RAD21: variants seen among roughly 807,000 people sequenced by gnomAD.
RAD21 encodes the protein double-strand-break repair protein rad21 homolog.
RAD21 carries 18 observed loss-of-function variants against 71.5 expected under a neutral mutation model. The ratio of observed to expected loss-of-function variants is 0.25; its 90% confidence interval spans 0.17 to 0.37. RAD21 has a LOEUF of 0.37. Among genes scored for constraint, RAD21 ranks in the 10% least tolerant of loss-of-function variants. RAD21 has a pLI of 1.00. For synonymous variants in RAD21, 248 were observed against 254.0 expected (o/e 0.98, Z 0.22); for missense variants, 493 against 769.1 (o/e 0.64, Z 4.25).
At chr8:116,872,711 C>CG (rs1563696064) in intron 1 of RAD21, among the ~76,000 whole-genome samples, 8 of 152,158 alleles carry the variant, frequency 5.3e-5, no homozygotes, top group South Asian at 2.1e-4. Context: ...ACTATGAAAA[C>CG]CTGAAAGGTT....
intron 2 of RAD21, among the ~76,000 whole-genome samples, chr8:116,865,808 G>A (rs16889031): frequency 9.9e-5 from 15 of 152,154 alleles, no homozygotes; most frequent in African/African-American, 3.4e-4. Flanking sequence ...CTGCATCCAG[G>A]AAATAGAGCA....
intron 7 of RAD21, 110 bp downstream of exon 7, chr8:116,856,536 T>C (rs1812470654): frequency 2.3e-6 from 3 of 1,292,040 alleles, no homozygotes; most frequent in South Asian, 3.7e-5. Flanking sequence ...TACTTAAAGA[T>C]ATTTATAATT....
rs1169346397 is a variant in RAD21, at chr8:116,852,639, C to G, written c.1231G>C (p.Asp411His). ...TCTTTGAGGAATTCATCCAAATTAT[C>G]TGCCTCTCCTCCTTTCCTCCTTTTT... ...LRKRRKGGEADNLDEFLKEFE... is the reference protein window; with the variant it reads ...LRKRRKGGEAHNLDEFLKEFE... Residue 411 changes from aspartate (D) to histidine (H), a missense_variant, in exon 10 of 14, where the codon GAT becomes CAT. By Grantham distance (81) the Asp-to-His change is moderately conservative (BLOSUM62 -1). Around this residue, in one of 5 missense-constraint regions of RAD21, gnomAD observed 225 missense variants for 218.3 expected, o/e 1.03. Coordinates refer to ENST00000297338, the MANE Select transcript of RAD21 (RefSeq NM_006265.3). The G allele has an allele frequency of 6.2e-7, 1 of 1,613,278 alleles. No individual in the cohort carries two copies. Among genetic ancestry groups the G allele is most frequent in the South Asian group, 1.1e-5 (1 of 91,032 alleles).
At chr8:116,852,141 G>A in intron 10 of RAD21, 45 bp from the exon 11 acceptor site, 2 of 1,535,254 alleles carry the variant, frequency 1.3e-6, no homozygotes, top group Middle Eastern at 1.7e-4. Context: ...ATACAGTTTT[G>A]AACAGTATTA....
chr8:116,857,097 A>G (rs1446065250), intron 6 of RAD21, among the ~76,000 whole-genome samples, 170 bp downstream of exon 6: 1 of 152,194 alleles, frequency 6.6e-6, no homozygotes, highest in Non-Finnish European at 1.5e-5. Context: ...TTTTGTTACA[A>G]CATTTTAAGA....
chr8:116,850,669 T>C lies in RAD21; in HGVS notation c.1569A>G (p.Pro523=), dbSNP rs1362591979. The C allele has an allele frequency of 6.2e-7, 1 of 1,612,174 alleles. No individual in the cohort carries two copies. Among genetic ancestry groups the C allele is most frequent in the Non-Finnish European group, 8.5e-7 (1 of 1,178,484 alleles). ...CCTTCTCTTTCTCCTTCTCTTTTTC[T>C]GGCAGAAGTTCTAACTCTGGTATTA... is the stretch of plus-strand genomic sequence containing the variant. ...CQLIPELELL[P]EKEKEKEKEK... Residue 523 remains proline, a synonymous_variant, in exon 12 of 14, where the codon CCA becomes CCG. Coordinates refer to ENST00000297338, the MANE Select transcript of RAD21 (RefSeq NM_006265.3).
At chr8:116,868,057 T>C (rs778799309) in intron 1 of RAD21, among the ~76,000 whole-genome samples, 4 of 152,184 alleles carry the variant, frequency 2.6e-5, no homozygotes, top group Non-Finnish European at 5.9e-5. Context: ...TTTTTTTCTT[T>C]TAAGAGATGG....
Position 116,856,198 on chromosome 8 carries a change from T to G in RAD21, c.905A>C (p.Glu302Ala). 6.2e-7 allele frequency: 1 copy of G among 1,609,664 alleles called. No individual in the cohort carries two copies. The highest frequency in any genetic ancestry group is 8.5e-7 in the Non-Finnish European group (1 of 1,178,158). Reference protein sequence around the residue: ...DQTTLVPNEEEAFALEPIDIT... With the variant: ...DQTTLVPNEEAAFALEPIDIT... ...ATCAATAGGCTCCAATGCAAATGCTTCTTCCTCATTTGGAACAAGTGTTGT... is the reference window on the plus strand; with the variant it reads ...ATCAATAGGCTCCAATGCAAATGCTGCTTCCTCATTTGGAACAAGTGTTGT... The change falls in exon 8 of 14, where the codon GAA becomes GCA. Residue 302 changes from glutamate to alanine, a missense_variant. Glu to Ala is a moderately radical substitution (Grantham distance 107). Around this residue, in one of 5 missense-constraint regions of RAD21, gnomAD observed 165 missense variants for 229.6 expected, o/e 0.72. Transcript: ENST00000297338.
At chr8:116,871,216 G>T (rs1178800596) in intron 1 of RAD21, among the ~76,000 whole-genome samples, 1 of 151,892 alleles carries the variant, frequency 6.6e-6, no homozygotes, top group Admixed American at 6.6e-5. Flanking sequence ...TAAAAAAGTC[G>T]ATTAATCTGT....
rs1202617268 is a variant in RAD21, at chr8:116,848,977, T to C, written c.1673A>G (p.Lys558Arg). 6.2e-7 allele frequency: 1 copy of C among 1,607,788 alleles called. No individual in the cohort carries two copies. Among genetic ancestry groups the C allele is most frequent in the East Asian group, 2.2e-5 (1 of 44,452 alleles). Residue 558 changes from lysine (K) to arginine (R), a missense_variant, in exon 13 of 14, where the codon AAA (lysine) becomes AGA (arginine). Physicochemically the swap from Lys to Arg is conservative, Grantham distance 26. Transcript: ENST00000297338. ...DQDQEERRWN[K>R]RTQQMLHGLQ... is the part of the protein sequence containing the mutation. ...ACCATGAAGCATCTGCTGAGTCCTT[T>C]TGTTCCATCTTCTTTCTTCCTGATC...
At chr8:116,867,034 CTTGA>C (rs1812709930) in intron 1 of RAD21, 3 of 207,510 alleles carry the variant, frequency 1.4e-5, no homozygotes, top group Non-Finnish European at 1.9e-5. Context: ...TCATTTCTAT[CTTGA>C]TTGACAGTAG....
At chr8:116,856,060 G>A in intron 8 of RAD21, 106 bp downstream of exon 8, 1 of 1,322,854 alleles carries the variant, frequency 7.6e-7, no homozygotes, top group South Asian at 1.6e-5. Context: ...AAAAAAGCAA[G>A]AAGCCTAGTT....
intron 4 of RAD21, 103 bp downstream of exon 4, chr8:116,861,738 G>A (rs1812597574): frequency 4.1e-6 from 3 of 727,538 alleles, no homozygotes; most frequent in East Asian, 5.2e-5. Context: ...ATGCATTTTA[G>A]CTGTTAATGT....
In RAD21 at chr8:116,855,451, C is replaced by T. The variant is rs558916074; in HGVS notation, c.937+715G>A. 4.6e-5 allele frequency among the ~76,000 whole-genome samples: 7 copies of T among 152,156 alleles called. No homozygotes were observed. The South Asian group carries it at 1.5e-3, about 32-fold the overall frequency. On this transcript the variant is annotated intron_variant, in intron 8 of 13. Coordinates refer to ENST00000297338, the MANE Select transcript of RAD21 (RefSeq NM_006265.3). ...CTTGCAATGTTACTTAAAAAAACTA[C>T]AAGAAAAAGATTATTCTAGAAATTT...
At chr8:116,849,252 ATTT>A in intron 12 of RAD21, 1 of 419,490 alleles carries the variant, frequency 2.4e-6, no homozygotes, top group Non-Finnish European at 4.2e-6. Flanking sequence ...GCAAGCAAAC[ATTT>A]GGCTGAAAGT....
chr8:116,854,753 T>C (rs1422550820), intron 8 of RAD21, among the ~76,000 whole-genome samples: 1 of 152,234 alleles, frequency 6.6e-6, no homozygotes, highest in Non-Finnish European at 1.5e-5. Flanking sequence ...TTTTTGCCTA[T>C]GTAGTTTTAT....
rs114862132 is a variant in RAD21 at position 116,847,469 on chromosome 8, A to T, written c.*31T>A. 2,239 of 1,557,620 alleles carry T rather than the reference A, an allele frequency of 1.4e-3. 28 individuals carry two copies. The African/African-American group carries it at 0.028, about 20-fold the overall frequency. ...GGGGGCAATTTGTAAGCACTAGTGA[A>T]TCAAACACTAGCTATAATGCTTCTA... On this transcript the variant is annotated 3_prime_UTR_variant, in exon 14 of 14. Coordinates refer to ENST00000297338, the MANE Select transcript of RAD21 (RefSeq NM_006265.3).
intron 1 of RAD21, chr8:116,874,030 A>G (rs1231850408): frequency 6.6e-6 from 1 of 152,316 alleles, no homozygotes; most frequent in Admixed American, 6.5e-5. Flanking sequence ...ACGGGAGGGC[A>G]GCAGCAGTCA....
chr8:116,873,207 A>C (rs1440045198), intron 1 of RAD21, among the ~76,000 whole-genome samples: 1 of 152,252 alleles, frequency 6.6e-6, no homozygotes, highest in East Asian at 1.9e-4. Flanking sequence ...AGCGTTTCTT[A>C]GAATTTGTAT....
Sources: allele counts gnomAD v4.1 joint callset (sites outside exome capture counted in the v4.1 genomes callset), GRCh38; gene constraint gnomAD v4.1.1; regional missense constraint gnomAD v4.1.1; transcripts MANE v1.5; gene names NCBI Gene and HGNC (gene_info 2026-07-23, HGNC 2026-07-21).